Variants in MZF1 observed in about 807,000 individuals in gnomAD.
MZF1 encodes the protein zinc finger and SCAN domain-containing protein 6.
In MZF1, 24 loss-of-function variants were observed where a neutral mutation model predicts 28.6. The observed-to-expected ratio is 0.84, with a 90% CI of 0.61 to 1.18. MZF1 has a LOEUF of 1.18. MZF1 is among the 50% of genes most tolerant of loss of function. MZF1 has a pLI of 0.00. For synonymous variants in MZF1, 516 were observed against 432.5 expected, an observed-to-expected ratio of 1.19 and a Z score of -2.40; for missense variants, 1,166 against 1,026.4, an observed-to-expected ratio of 1.14 and a Z score of -1.86.
Position 58,563,008 on chromosome 19 carries a change from G to A in MZF1, c.1269C>T (p.Arg423=), listed in dbSNP as rs3764526. The change falls in exon 6 of 6, where the codon CGC becomes CGT. Residue 423 remains arginine, a synonymous_variant. Coordinates refer to ENST00000215057, the MANE Select transcript of MZF1 (RefSeq NM_198055.2). ...TCCGATGCTCTTCCAGGCGCGCGCT[G>A]CGCACGAAGCCCTGGCCACAGTCGC... ...VCGDCGQGFV[R]SARLEEHRRV... is the part of the protein sequence containing the mutation. 15 of 1,601,850 alleles carry A rather than the reference G, an allele frequency of 9.4e-6. 1 individual carries two copies. The highest frequency in any genetic ancestry group is 1.3e-5 in the Non-Finnish European group (15 of 1,179,638).
In MZF1 at chr19:58,562,075, C is replaced by T. The variant is rs776205188; in HGVS notation, c.2202G>A (p.Glu734=). The T allele has an allele frequency of 4.5e-6, 7 of 1,557,282 alleles. No homozygotes were observed. The East Asian group carries it at 1.4e-4, about 32-fold the overall frequency. ...ACACAGTGCGTCCCGGCTGGAGCTA[C>T]TCGGCGCTGTGGACGCGCTGGTGCT... The part of the protein sequence containing the change: ...LIQHQRVHSA[E] Residue 734 remains glutamate, a synonymous_variant, in exon 6 of 6, where the codon GAG becomes GAA. Transcript: ENST00000215057.
chr19:58,562,476 C>A lies in MZF1; in HGVS notation c.1801G>T (p.Glu601Ter). ...CGCTGGCTGAAGCGCTGGCCACACT[C>A]GGGGCAGGCAAAGGGTTTCTCGCCC... ...HTGEKPFACP[E>*]CGQRFSQRLK... The change falls in exon 6 of 6, where the codon GAG becomes TAG. Residue 601 changes from glutamate (E) to a stop codon, truncating the protein, a stop_gained. Transcript: ENST00000215057. LOFTEE classifies it low-confidence loss of function (END_TRUNC). 1 of 1,611,294 alleles carries A rather than the reference C, an allele frequency of 6.2e-7. No individual in the cohort carries two copies. Among genetic ancestry groups the A allele is most frequent in the Non-Finnish European group, 8.5e-7 (1 of 1,179,388 alleles).
Position 58,571,278 on chromosome 19 carries a change from G to C in MZF1, c.112C>G (p.Pro38Ala). The change falls in exon 2 of 6, where the codon CCA becomes GCA. Residue 38 changes from proline (P) to alanine (A), a missense_variant. Pro to Ala is a conservative substitution (Grantham distance 27). Transcript: ENST00000215057. ...EEEGEAALWDPGPEAARLRFR... is the reference protein window; with the variant it reads ...EEEGEAALWDAGPEAARLRFR... ...CGCAGGCGTGCAGCTTCAGGGCCTG[G>C]GTCCCATAAGGCAGCCTCACCCTCC... 1 of 1,613,674 alleles carries C rather than the reference G, an allele frequency of 6.2e-7. No individual in the cohort carries two copies. Among genetic ancestry groups the C allele is most frequent in the East Asian group, 2.2e-5 (1 of 44,860 alleles).
intron 2 of MZF1, 91 bp downstream of exon 2, chr19:58,570,903 A>G (rs2054147259): frequency 2.9e-6 from 4 of 1,385,360 alleles, no homozygotes; most frequent in Non-Finnish European, 3.9e-6. Flanking sequence ...ACAAGGGAGA[A>G]CGTGTGTCTG....
intron 1 of MZF1, chr19:58,572,470 G>T: frequency 9.0e-7 from 1 of 1,115,996 alleles, no homozygotes. Flanking sequence ...CTGCAAGGAA[G>T]TCCCGAGACT....
At chr19:58,567,114 C>T (rs960514125) in intron 5 of MZF1, among the ~76,000 whole-genome samples, 1 of 152,120 alleles carries the variant, frequency 6.6e-6, no homozygotes, top group Non-Finnish European at 1.5e-5. Context: ...TGCCATGTTG[C>T]CCAGGATGGT....
At chr19:58,572,448 C>T (rs1207815091) in intron 1 of MZF1, 2 of 923,518 alleles carry the variant, frequency 2.2e-6, no homozygotes, top group African/African-American at 1.7e-5. Context: ...CCAAGACTGC[C>T]GGAACAGGAG....
At chr19:58,564,900 GTGTTTTTTTTT>G (rs2054011867) in intron 5 of MZF1, among the ~76,000 whole-genome samples, 5 of 69,380 alleles carry the variant, frequency 7.2e-5, no homozygotes, top group African/African-American at 3.6e-4. Context: ...ATCCATGTGT[GTGTTTTTTTTT>G]TTTTTTTTTT....
At chr19:58,565,008 C>CCT (rs933370938) in intron 5 of MZF1, among the ~76,000 whole-genome samples, 23 of 141,628 alleles carry the variant, frequency 1.6e-4, no homozygotes, top group African/African-American at 6.0e-4. Context: ...GCAACCTCTG[C>CCT]CTCCCGGGTT....
rs1428508818 is a variant in MZF1 at position 58,562,114 on chromosome 19, G to T, written c.2163C>A (p.Ser721Arg). 1.3e-6 allele frequency: 2 copies of T among 1,588,892 alleles called. No individual in the cohort carries two copies. Among genetic ancestry groups the T allele is most frequent in the African/African-American group, 2.7e-5 (2 of 74,506 alleles). The change falls in exon 6 of 6, where the codon AGC (serine) becomes AGA (arginine). Residue 721 changes from serine to arginine, a missense_variant. By Grantham distance (110) the Ser-to-Arg change is moderately radical (BLOSUM62 -1). Coordinates refer to ENST00000215057, the MANE Select transcript of MZF1 (RefSeq NM_198055.2). The stretch of plus-strand genomic sequence containing the variant: ...CGCGCTGGTGCTGAATGAGCTTGGT[G>T]CTCTGGTGGAAGCGGCGGCCACAGT... ...CQDCGRRFHQ[S>R]TKLIQHQRVH...
Position 58,570,440 on chromosome 19 carries a change from T to C in MZF1, c.484A>G (p.Thr162Ala). Residue 162 changes from threonine (T) to alanine (A), a missense_variant, in exon 3 of 6, where the codon ACT becomes GCT. Physicochemically the swap from Thr to Ala is moderately conservative, Grantham distance 58 (BLOSUM62 0). Coordinates refer to ENST00000215057, the MANE Select transcript of MZF1 (RefSeq NM_198055.2). ...GGTGTCTTGGGCCCAGGCTCTGGAG[T>C]TGGAGGCTCAGTTTCAGGTAGGGGC... ...FQPLPETEPP[T>A]PEPGPKTPPR... 1 of 1,613,724 alleles carries C rather than the reference T, an allele frequency of 6.2e-7. No individual in the cohort carries two copies. The highest frequency in any genetic ancestry group is 8.5e-7 in the Non-Finnish European group (1 of 1,179,822).
chr19:58,569,052 T>G (rs941575444), intron 5 of MZF1: 2 of 486,058 alleles, frequency 4.1e-6, no homozygotes, highest in African/African-American at 4.1e-5. Flanking sequence ...GTGGGGAGTT[T>G]CTAGAAAGTA....
chr19:58,564,787 G>T (rs2054006406), intron 5 of MZF1, among the ~76,000 whole-genome samples: 1 of 152,040 alleles, frequency 6.6e-6, no homozygotes, highest in African/African-American at 2.4e-5. Context: ...AGCCACAGTG[G>T]GGTTCTGTGT....
Position 58,569,541 on chromosome 19 carries a change from G to A in MZF1, c.626C>T (p.Pro209Leu). ...CTGGGCCTCCTCAGGCAGGAGGGTG[G>A]GTACAGACTCCTGGGTGGCAGCTAG... ...GPLAATQESVPTLLPEEAQRC... is the reference protein window; with the variant it reads ...GPLAATQESVLTLLPEEAQRC... The change falls in exon 4 of 6, where the codon CCC (proline) becomes CTC (leucine). Residue 209 changes from proline (P) to leucine (L), a missense_variant. Transcript: ENST00000215057. 1 of 1,609,918 alleles carries A rather than the reference G, an allele frequency of 6.2e-7. No homozygotes were observed. Among genetic ancestry groups the A allele is most frequent in the Non-Finnish European group, 8.5e-7 (1 of 1,177,298 alleles).
chr19:58,572,637 C>T, intron 1 of MZF1: 1 of 1,289,280 alleles, frequency 7.8e-7, no homozygotes, highest in South Asian at 1.2e-5. Context: ...AATCATTCCC[C>T]CGTGGGTGGC....
chr19:58,562,557 ACT>A lies in MZF1; in HGVS notation c.1718_1719del (p.Glu573ValfsTer56), dbSNP rs759988268. On this transcript the variant is annotated frameshift_variant, in exon 6 of 6. Transcript: ENST00000215057. LOFTEE classifies it low-confidence loss of function (END_TRUNC). ...HTGERPFACA[E>X]CGKAFRQRPT... ...GGCCGCTGGCGGAAGGCCTTGCCAC[ACT>A]CGGCGCAGGCGAAGGGCCGCTCCCC... is the stretch of plus-strand genomic sequence containing the variant. 2.5e-6 allele frequency: 4 copies of A among 1,602,200 alleles called. No individual in the cohort carries two copies. In the South Asian group the frequency reaches 4.4e-5, roughly 18 times the overall value.
At chr19:58,569,240 C>G in intron 5 of MZF1, 37 bp downstream of exon 5, 4 of 1,543,998 alleles carry the variant, frequency 2.6e-6, no homozygotes, top group Non-Finnish European at 3.5e-6. Flanking sequence ...GCTGTCCATG[C>G]GGAAGGCCTA....
Position 58,563,505 on chromosome 19 carries a change from C to A in MZF1, c.773-1G>T, listed in dbSNP as rs756087014. Reference sequence around the variant, plus strand: ...ATGCTGCCTAGCTGCAGCGCGAACCCTGCATACACAAGGGGACCATTCATT... The same window carrying A: ...ATGCTGCCTAGCTGCAGCGCGAACCATGCATACACAAGGGGACCATTCATT... On this transcript the variant is annotated splice_acceptor_variant, in intron 5 of 5. Coordinates refer to ENST00000215057, the MANE Select transcript of MZF1 (RefSeq NM_198055.2). LOFTEE classifies it high-confidence loss of function. 5 of 1,533,422 alleles carry A rather than the reference C, an allele frequency of 3.3e-6. No homozygotes were observed. In the African/African-American group the frequency reaches 5.5e-5, roughly 17 times the overall value. 95.0% of individuals were successfully genotyped at this position (1,533,422 alleles called of 1,614,324 possible).
rs1234873782 is a variant in MZF1 at position 58,573,320 on chromosome 19, G to A, written c.-306C>T. The A allele has an allele frequency of 3.3e-5, 5 of 152,752 alleles. No individual in the cohort carries two copies. Among genetic ancestry groups the A allele is most frequent in the African/African-American group, 7.2e-5 (3 of 41,462 alleles). The allele number at this position is 152,752 out of a possible 1,614,324, so 9.5% of individuals were successfully genotyped here. ...ATGCGCAAGCCTCTCAGGTACAACA[G>A]ACGGCAGCACCGCCTACCAGATCGC... is the stretch of plus-strand genomic sequence containing the variant. On this transcript the variant is annotated 5_prime_UTR_variant, in exon 1 of 6. Coordinates refer to ENST00000215057, the MANE Select transcript of MZF1 (RefSeq NM_198055.2).
Sources: gnomAD v4.1 joint callset for allele counts (sites outside exome capture counted in the v4.1 genomes callset) on GRCh38, gnomAD v4.1.1 for gene constraint, MANE v1.5 for transcripts, NCBI Gene and HGNC (gene_info 2026-07-23, HGNC 2026-07-21) for gene names.